Variants in NHS observed in about 807,000 individuals in gnomAD.
NHS encodes the protein actin remodeling regulator NHS.
Under a neutral mutation model 72.5 loss-of-function variants are expected in NHS, and 5 were observed. The observed-to-expected ratio is 0.07, with a 90% CI of 0.04 to 0.14. The LOEUF is 0.14. Among genes scored for constraint, NHS ranks in the 10% least tolerant of loss-of-function variants. The pLI is 1.00. For missense variants in NHS, 1,072 were observed against 1,355.7 expected (o/e 0.79, Z 3.29); for synonymous variants, 464 against 547.7 (o/e 0.85, Z 2.13).
intron 1 of NHS, among the ~76,000 whole-genome samples, chrX:17,470,991 G>A (rs2064890291): frequency 9.0e-6 from 1 of 111,599 alleles, no homozygotes; most frequent in African/African-American, 3.3e-5. Context: ...TAATGAATGA[G>A]TGAATGAAAG....
At chrX:17,516,993 G>T (rs1386954859) in intron 1 of NHS, among the ~76,000 whole-genome samples, 1 of 112,236 alleles carries the variant, frequency 8.9e-6, no homozygotes, top group East Asian at 2.8e-4. Context: ...AGTGCCTTTT[G>T]GGTATCTGTC....
At chrX:17,492,533 T>C (rs980840176) in intron 1 of NHS, among the ~76,000 whole-genome samples, 1 of 112,322 alleles carries the variant, frequency 8.9e-6, no homozygotes, top group Non-Finnish European at 1.9e-5. Flanking sequence ...TTGCATTTGC[T>C]GAGGAGTGTT....
At chrX:17,552,112 G>A (rs2065339783) in intron 1 of NHS, among the ~76,000 whole-genome samples, 1 of 111,523 alleles carries the variant, frequency 9.0e-6, no homozygotes, top group South Asian at 3.8e-4. Context: ...TTTTACCAAG[G>A]TCTGGCTTTA....
chrX:17,691,246 C>A (rs112925413), intron 2 of NHS, among the ~76,000 whole-genome samples: 301 of 112,254 alleles, frequency 2.7e-3, no homozygotes, highest in Middle Eastern at 9.2e-3. Context: ...CTCTTCTGTA[C>A]GGATTTAAGA....
intron 1 of NHS, among the ~76,000 whole-genome samples, chrX:17,440,868 C>G (rs938110291): frequency 6.3e-5 from 7 of 111,615 alleles, no homozygotes; most frequent in African/African-American, 2.3e-4. Flanking sequence ...AAAGATTTCT[C>G]TGGATCAGAG....
intron 1 of NHS, among the ~76,000 whole-genome samples, chrX:17,536,656 A>C (rs892905437): frequency 4.4e-5 from 5 of 112,513 alleles, no homozygotes; most frequent in African/African-American, 1.6e-4. Context: ...AAGTTAGAGG[A>C]ACCCAATAAA....
intron 1 of NHS, among the ~76,000 whole-genome samples, chrX:17,563,981 A>T (rs1193683747): frequency 8.9e-6 from 1 of 112,180 alleles, no homozygotes; most frequent in Admixed American, 9.4e-5. Flanking sequence ...TCCTAAAGCT[A>T]ATCTAATCTA....
In NHS at chrX:17,615,164, T is replaced by C. The variant is rs867883281; in HGVS notation, c.566-72578T>C. Among the ~76,000 whole-genome samples, 108 of 40,317 alleles carry C rather than the reference T, an allele frequency of 2.7e-3. 2 individuals carry two copies. The highest frequency in any genetic ancestry group is 7.3e-3 in the African/African-American group (99 of 13,564). The allele number at this position is 40,317 out of a possible 115,157, so 35.0% of individuals were successfully genotyped here. The stretch of plus-strand genomic sequence containing the variant: ...TATATATATACGTGTATATATACTA[T>C]ATATATACGTATATATATAGTATAT... On this transcript the variant is annotated intron_variant, in intron 1 of 8. Transcript: ENST00000676302.
At chrX:17,566,362 G>C (rs2065443661) in intron 1 of NHS, among the ~76,000 whole-genome samples, 1 of 111,298 alleles carries the variant, frequency 9.0e-6, no homozygotes, top group South Asian at 3.8e-4. Flanking sequence ...ATTATGTAAG[G>C]AAAACTGTAC....
chrX:17,597,120 T>TG (rs1242473661), intron 1 of NHS, among the ~76,000 whole-genome samples: 1 of 78,432 alleles, frequency 1.3e-5, no homozygotes, highest in Admixed American at 1.2e-4. Context: ...TCTTCCGTTT[T>TG]TTTTTTTTTT....
At chrX:17,634,637 G>A (rs1275731096) in intron 1 of NHS, among the ~76,000 whole-genome samples, 4 of 100,825 alleles carry the variant, frequency 4.0e-5, no homozygotes, top group Non-Finnish European at 7.8e-5. Context: ...TTTGTGAAGT[G>A]GTTTGAGTAT....
At position 17,725,539 on chromosome X, in the gene NHS, A is replaced by G; in HGVS notation, c.1433A>G (p.His478Arg). The G allele has an allele frequency of 1.1e-5, 13 of 1,211,720 alleles. No homozygotes were observed. The highest frequency in any genetic ancestry group is 1.5e-5 in the Non-Finnish European group (13 of 895,545). ...RGQSIAASLS[H>R]SAGNISALAD... ...CAAAGCATTGCAGCTTCCCTTTCTC[A>G]TTCTGCTGGCAACATTTCTGCCCTA... Residue 478 changes from histidine (H) to arginine (R), a missense_variant, in exon 7 of 9, where the codon CAT becomes CGT. Physicochemically the swap from His to Arg is conservative, Grantham distance 29. Coordinates refer to ENST00000676302, the MANE Select transcript of NHS (RefSeq NM_001291867.2).
chrX:17,543,327 T>G (rs2065274160), intron 1 of NHS, among the ~76,000 whole-genome samples: 1 of 112,316 alleles, frequency 8.9e-6, no homozygotes, highest in Non-Finnish European at 1.9e-5. Context: ...CAACTCCTAT[T>G]CCATTTGGCT....
intron 3 of NHS, among the ~76,000 whole-genome samples, chrX:17,695,927 T>C (rs1364834306): frequency 1.4e-5 from 1 of 69,517 alleles, no homozygotes; most frequent in Non-Finnish European, 2.6e-5. Context: ...AAAGCTTCCT[T>C]AAAAAAAAAA....
At chrX:17,404,571 G>C (rs1162955948) in intron 1 of NHS, among the ~76,000 whole-genome samples, 3 of 110,828 alleles carry the variant, frequency 2.7e-5, no homozygotes, top group Non-Finnish European at 5.7e-5. Flanking sequence ...AAATGAACTG[G>C]TTTTCAAGAC....
chrX:17,601,236 A>G (rs1360663468), intron 1 of NHS, among the ~76,000 whole-genome samples: 16 of 111,778 alleles, frequency 1.4e-4, no homozygotes, highest in Non-Finnish European at 7.5e-5. Flanking sequence ...TAGATTCAGC[A>G]GGTTTGATGG....
chrX:17,482,659 A>G lies in NHS; in HGVS notation c.565+106337A>G, dbSNP rs147252667. Among the ~76,000 whole-genome samples the G allele has an allele frequency of 9.9e-3, 1,104 of 111,624 alleles. 16 individuals carry two copies. Among genetic ancestry groups the G allele is most frequent in the African/African-American group, 0.034 (1,047 of 30,729 alleles). ...AAAGTAACTCAGGAAACACCCAGTC[A>G]GTGGGGATGGAGTTGGGAATTGCAT... On this transcript the variant is annotated intron_variant, in intron 1 of 8. Coordinates refer to ENST00000676302, the MANE Select transcript of NHS (RefSeq NM_001291867.2).
intron 1 of NHS, among the ~76,000 whole-genome samples, chrX:17,574,344 G>A (rs754052427): frequency 1.8e-5 from 2 of 112,087 alleles, no homozygotes; most frequent in South Asian, 7.5e-4. Context: ...TGCCCAGTTC[G>A]AGCTTCCCTG....
Position 17,732,512 on chromosome X carries a change from T to C in NHS, c.*48T>C. ...GCAAAGGCCAAAACCCTTACTCACA[T>C]GAGGATGGAGGAACAGAACAGAGGA... On this transcript the variant is annotated 3_prime_UTR_variant, in exon 9 of 9. Coordinates refer to ENST00000676302, the MANE Select transcript of NHS (RefSeq NM_001291867.2). 5.0e-6 allele frequency: 6 copies of C among 1,210,675 alleles called. No individual in the cohort carries two copies. Among genetic ancestry groups the C allele is most frequent in the Non-Finnish European group, 6.7e-6 (6 of 894,471 alleles).
Sources: gnomAD v4.1 joint callset for allele counts (sites outside exome capture counted in the v4.1 genomes callset) on GRCh38, gnomAD v4.1.1 for gene constraint, MANE v1.5 for transcripts, NCBI Gene and HGNC (gene_info 2026-07-23, HGNC 2026-07-21) for gene names.